The following BRF1 variants were observed in gnomAD, a reference collection of about 807,000 sequenced individuals.
BRF1 encodes transcription factor IIIB 90 kDa subunit.
A neutral mutation model predicts 81.7 loss-of-function variants in BRF1; 59 were observed. The ratio of observed to expected loss-of-function variants is 0.72; its 90% CI spans 0.59 to 0.90. The LOEUF is 0.90. Among genes scored for constraint, BRF1 ranks in the 40% least tolerant of loss-of-function variants. The pLI, the probability that BRF1 is intolerant of heterozygous loss-of-function variation, is 0.00. For synonymous variants in BRF1, 491 were observed against 395.6 expected (o/e 1.24, Z -2.86); for missense variants, 1,050 against 936.3 (o/e 1.12, Z -1.58).
At chr14:105,221,461 C>T (rs1221153896) in intron 11 of BRF1, among the ~76,000 whole-genome samples, 187 bp downstream of exon 11, 8 of 152,216 alleles carry the variant, frequency 5.3e-5, no homozygotes, top group Non-Finnish European at 1.2e-4. Flanking sequence ...CAATTCTTCA[C>T]GCCAGGACCA....
In BRF1 at chr14:105,210,972, A is replaced by G; in HGVS notation, c.1996+150T>C. On this transcript the variant is annotated intron_variant, in intron 17 of 17. Transcript: ENST00000547530. The surrounding 1 kb of genome is among the most constrained non-coding windows in gnomAD (Gnocchi z 4.7). ...CTCCAACCTCACAATCGACATGACC[A>G]ATTTACAAAATGTCTTAGTTCAAAT... is the stretch of plus-strand genomic sequence containing the variant. 1.4e-6 allele frequency: 2 copies of G among 1,418,588 alleles called. No homozygotes were observed. The highest frequency in any genetic ancestry group is 1.9e-6 in the Non-Finnish European group (2 of 1,053,320). 87.9% of individuals were successfully genotyped at this position (1,418,588 alleles called of 1,614,324 possible). A position where few individuals can be genotyped will look rare whatever the true frequency, so the allele number is the denominator to read the frequency against.
At position 105,244,889 on chromosome 14, in the gene BRF1, G is replaced by C. The variant is rs191221851; in HGVS notation, c.545-3475C>G. 2.7e-5 allele frequency among the ~76,000 whole-genome samples: 4 copies of C among 150,860 alleles called. No individual in the cohort carries two copies. The East Asian group carries it at 5.8e-4, about 22-fold the overall frequency. ...AAATGACCAGGTATGATAGAACAAA[G>C]AAACCCTCAATATATTTCAGGTAAC... On this transcript the variant is annotated intron_variant, in intron 5 of 17. Transcript: ENST00000547530.
intron 8 of BRF1, 60 bp from the exon 9 acceptor site, chr14:105,226,350 C>G (rs1274696598): frequency 1.9e-6 from 3 of 1,609,294 alleles, no homozygotes; most frequent in South Asian, 2.2e-5. Flanking sequence ...AGCGCAGCCT[C>G]TGGGGTGCCG....
Position 105,271,185 on chromosome 14 carries a change from G to C in BRF1, c.439+1536C>G, listed in dbSNP as rs2062927132. 6.6e-6 allele frequency among the ~76,000 whole-genome samples: 1 copy of C among 152,236 alleles called. No homozygotes were observed. The highest frequency in any genetic ancestry group is 2.4e-5 in the African/African-American group (1 of 41,460). On this transcript the variant is annotated intron_variant, in intron 3 of 17. Transcript: ENST00000547530. This position sits in a 1 kb window ranked among gnomAD's most constrained non-coding sequence, Gnocchi z 5.5. ...CAAAAAAGGATGAGATAACACATGG[G>C]TTCAGTGTGGCAGGCAGAGTAACAG...
At position 105,210,626 on chromosome 14, in the gene BRF1, T is replaced by A; in HGVS notation, c.1997-38A>T. The A allele has an allele frequency of 6.2e-7, 1 of 1,606,820 alleles. No individual in the cohort carries two copies. The highest frequency in any genetic ancestry group is 8.5e-7 in the Non-Finnish European group (1 of 1,177,834). On this transcript the variant is annotated intron_variant, in intron 17 of 17. Coordinates refer to ENST00000547530, the MANE Select transcript of BRF1 (RefSeq NM_001519.4). The surrounding 1 kb of genome is among the most constrained non-coding windows in gnomAD (Gnocchi z 4.7). The stretch of plus-strand genomic sequence containing the variant: ...ACAGTCATGAAGCCCAGGGTCTCTG[T>A]GGGACCCAGGAGCCCAGACCCCCCA...
intron 11 of BRF1, 94 bp from the exon 12 acceptor site, chr14:105,220,224 G>T: frequency 1.4e-6 from 2 of 1,463,448 alleles, no homozygotes; most frequent in Non-Finnish European, 9.5e-7. Flanking sequence ...CTGGGTCTGG[G>T]CTAAGGGCTT....
At chr14:105,314,764 C>T in intron 1 of BRF1, 1 of 162,864 alleles carries the variant, frequency 6.1e-6, no homozygotes, top group Non-Finnish European at 1.2e-5. Context: ...CGTCGCCGCC[C>T]GCGGGCCTGT....
intron 3 of BRF1, among the ~76,000 whole-genome samples, chr14:105,265,770 G>A (rs137925013): frequency 1.3e-5 from 2 of 152,064 alleles, no homozygotes; most frequent in Admixed American, 6.6e-5. Flanking sequence ...GTGTGGTGGC[G>A]GGCACCTGTA....
chr14:105,215,610 C>G (rs1566796969), intron 15 of BRF1, among the ~76,000 whole-genome samples: 1 of 148,942 alleles, frequency 6.7e-6, no homozygotes, highest in African/African-American at 2.5e-5. Context: ...ACTGCATACA[C>G]AGAAACAGGC....
intron 1 of BRF1, among the ~76,000 whole-genome samples, chr14:105,295,936 G>C (rs775526882): frequency 6.6e-6 from 1 of 151,604 alleles, no homozygotes; most frequent in Non-Finnish European, 1.5e-5. Flanking sequence ...AAAACCAGCC[G>C]GGTATGGTAG....
At chr14:105,243,689 C>G (rs1403405842) in intron 5 of BRF1, among the ~76,000 whole-genome samples, 1 of 152,028 alleles carries the variant, frequency 6.6e-6, no homozygotes, top group Admixed American at 6.6e-5. Context: ...AAACTCATTT[C>G]AAAAACACTG....
chr14:105,229,171 C>T (rs80058992), intron 6 of BRF1, among the ~76,000 whole-genome samples: 340 of 152,336 alleles, frequency 2.2e-3, no homozygotes, highest in East Asian at 4.4e-3. Context: ...GAGAGCTTCA[C>T]GTAATCCCTC....
At chr14:105,283,201 G>A (rs1337899448) in intron 2 of BRF1, among the ~76,000 whole-genome samples, 2 of 152,184 alleles carry the variant, frequency 1.3e-5, no homozygotes, top group South Asian at 2.1e-4. Flanking sequence ...CAAAAGGGAC[G>A]ACTCCGGCGA....
rs1892287259 is a variant in BRF1, at chr14:105,221,547, C to T, written c.1315+101G>A. 6.8e-6 allele frequency: 10 copies of T among 1,479,508 alleles called. No homozygotes were observed. In the East Asian group the frequency reaches 9.9e-5, roughly 15 times the overall value. 91.6% of individuals were successfully genotyped at this position (1,479,508 alleles called of 1,614,324 possible). On this transcript the variant is annotated intron_variant, in intron 11 of 17. Transcript: ENST00000547530. ...CCCACCGCCCGAGACCACCACACCT[C>T]CCGACAGAGGATGGCAGCATCCGGC...
At chr14:105,224,185 G>A (rs1311757495) in intron 10 of BRF1, among the ~76,000 whole-genome samples, 4 of 152,160 alleles carry the variant, frequency 2.6e-5, no homozygotes, top group African/African-American at 9.7e-5. Flanking sequence ...CCTGGCCAAC[G>A]TGGCGAAACC....
chr14:105,212,371 A>G (rs1890255809), intron 15 of BRF1: 6 of 606,062 alleles, frequency 9.9e-6, no homozygotes, highest in Non-Finnish European at 1.7e-5. Flanking sequence ...CATTCTCAAC[A>G]GCGAGCAGCA....
At chr14:105,261,798 T>C (rs1051476008) in intron 3 of BRF1, among the ~76,000 whole-genome samples, 1 of 152,118 alleles carries the variant, frequency 6.6e-6, no homozygotes, top group African/African-American at 2.4e-5. Context: ...CCCGGCCCCA[T>C]GGGACTGGAG....
intron 5 of BRF1, among the ~76,000 whole-genome samples, chr14:105,252,174 TGCAGCAGAAAGCA>T (rs1360601319): frequency 6.6e-6 from 1 of 152,304 alleles, no homozygotes; most frequent in South Asian, 2.1e-4. Flanking sequence ...CTTCTGGTTT[TGCAGCAGAAAGCA>T]AGCCCCAGGC....
At position 105,241,408 on chromosome 14, in the gene BRF1, C is replaced by T; in HGVS notation, c.551G>A (p.Cys184Tyr). ...GTGCGCAAAGCGTGGAATATACAGG[C>T]ACGGGTCTGCGGCAGACACAGCACC... ...LCINAPAIDPCLYIPRFAHLL... is the reference protein window; with the variant it reads ...LCINAPAIDPYLYIPRFAHLL... Residue 184 changes from cysteine to tyrosine, a missense_variant, in exon 6 of 18, where the codon TGC becomes TAC. Coordinates refer to ENST00000547530, the MANE Select transcript of BRF1 (RefSeq NM_001519.4). The T allele has an allele frequency of 6.2e-6, 10 of 1,611,814 alleles. No individual in the cohort carries two copies. Among genetic ancestry groups the T allele is most frequent in the African/African-American group, 2.7e-5 (2 of 75,068 alleles).
Sources: gnomAD v4.1 joint callset for allele counts (sites outside exome capture counted in the v4.1 genomes callset) on GRCh38, gnomAD v4.1.1 for gene constraint, Gnocchi (gnomAD v3.1) non-coding constraint, MANE v1.5 for transcripts, NCBI Gene and HGNC (gene_info 2026-07-23, HGNC 2026-07-21) for gene names.